ATP13A4: variants seen among roughly 807,000 people sequenced by gnomAD.
ATP13A4 encodes probable cation-transporting ATPase 13A4.
A neutral mutation model predicts 142.5 loss-of-function variants in ATP13A4; 114 were observed. The observed-to-expected ratio is 0.80, with a 90% CI of 0.69 to 0.93. The LOEUF (loss-of-function observed/expected upper bound fraction) is 0.93. ATP13A4 is among the 40% of genes least tolerant of loss of function. The probability of loss-of-function intolerance (pLI) is 0.00; values close to 1 mark genes in which losing one functional copy is unlikely to be tolerated. For synonymous variants in ATP13A4, 488 were observed against 514.8 expected, an observed-to-expected ratio of 0.95 and a Z score of 0.70; for missense variants, 1,392 against 1,454.0, an observed-to-expected ratio of 0.96 and a Z score of 0.69.
At chr3:193,430,676 T>C (rs77097476) in intron 25 of ATP13A4, among the ~76,000 whole-genome samples, 7,801 of 151,906 alleles carry the variant, frequency 0.051, 273 homozygotes, top group Non-Finnish European at 0.081. Flanking sequence ...GGTACTTGAG[T>C]TGACCACAGC....
intron 3 of ATP13A4, 140 bp downstream of exon 3, chr3:193,502,353 T>A: frequency 9.8e-7 from 1 of 1,025,092 alleles, no homozygotes; most frequent in Non-Finnish European, 1.5e-6. Flanking sequence ...AGATTTGGAC[T>A]GTCTGGCTCC....
intron 6 of ATP13A4, among the ~76,000 whole-genome samples, 198 bp from the exon 7 acceptor site, chr3:193,490,062 T>C (rs1719862489): frequency 6.6e-6 from 1 of 152,202 alleles, no homozygotes; most frequent in African/African-American, 2.4e-5. Context: ...ATTCCCACAG[T>C]TACCTTATTA....
At chr3:193,415,887 C>T (rs1187672816) in intron 25 of ATP13A4, among the ~76,000 whole-genome samples, 2 of 152,106 alleles carry the variant, frequency 1.3e-5, no homozygotes, top group Non-Finnish European at 2.9e-5. Flanking sequence ...TGTAAATGCC[C>T]AGGGCAAAAG....
intron 1 of ATP13A4, among the ~76,000 whole-genome samples, chr3:193,526,777 C>G (rs974665237): frequency 6.6e-6 from 1 of 152,006 alleles, no homozygotes; most frequent in Non-Finnish European, 1.5e-5. Context: ...GAGATTATCT[C>G]TGGGTGGGGA....
At chr3:193,444,901 T>A (rs940353674) in intron 18 of ATP13A4, among the ~76,000 whole-genome samples, 3 of 152,136 alleles carry the variant, frequency 2.0e-5, no homozygotes, top group Admixed American at 1.3e-4. Context: ...CTCATAGGCT[T>A]CCTCCATGCT....
intron 25 of ATP13A4, among the ~76,000 whole-genome samples, chr3:193,422,852 G>A (rs1695153101): frequency 6.7e-6 from 1 of 149,270 alleles, no homozygotes; most frequent in South Asian, 2.1e-4. Flanking sequence ...CCCAATATTA[G>A]TAGAAAGAAA....
At chr3:193,533,931 T>C (rs996064986) in intron 1 of ATP13A4, among the ~76,000 whole-genome samples, 2 of 152,158 alleles carry the variant, frequency 1.3e-5, no homozygotes, top group African/African-American at 2.4e-5. Flanking sequence ...TTAACAAGGC[T>C]CCTCTCCATC....
intron 1 of ATP13A4, among the ~76,000 whole-genome samples, chr3:193,527,993 C>T (rs1052309702): frequency 2.6e-5 from 4 of 152,192 alleles, no homozygotes; most frequent in South Asian, 4.1e-4. Flanking sequence ...TACAGATGCA[C>T]GTCTAAGGTC....
exon 1 of ATP13A4, chr3:193,593,053 G>A (rs777161300): frequency 6.2e-5 from 22 of 354,698 alleles, no homozygotes; most frequent in Non-Finnish European, 1.1e-4. Flanking sequence ...CAAATCGGAA[G>A]CAAGAGGGCG....
At chr3:193,471,093 C>A in intron 8 of ATP13A4, 100 bp from the exon 9 acceptor site, 1 of 1,508,434 alleles carries the variant, frequency 6.6e-7, no homozygotes, top group Non-Finnish European at 9.2e-7. Context: ...GCAACCAAGA[C>A]ATTTTTTTTT....
intron 18 of ATP13A4, among the ~76,000 whole-genome samples, chr3:193,443,523 T>C (rs1434145886): frequency 6.6e-6 from 1 of 152,090 alleles, no homozygotes; most frequent in Non-Finnish European, 1.5e-5. Context: ...ACAAGAAAAC[T>C]CTCAACATTC....
At position 193,435,694 on chromosome 3, in the gene ATP13A4, G is replaced by T. The variant is rs1378021606; in HGVS notation, c.2723C>A (p.Ala908Asp). The part of the protein sequence containing the change: ...VTSFCMFKYM[A>D]LYSMIQYVGV... ...AACATACTGAATCATGCTGTACAGA[G>T]CCATGTACTTAAACATGCAAAAGGA... The change falls in exon 24 of 30, where the codon GCT becomes GAT. Residue 908 changes from alanine (A) to aspartate (D), a missense_variant. Transcript: ENST00000342695. The T allele has an allele frequency of 6.2e-7, 1 of 1,613,950 alleles. No individual in the cohort carries two copies. Among genetic ancestry groups the T allele is most frequent in the South Asian group, 1.1e-5 (1 of 91,078 alleles).
chr3:193,462,432 AC>A (rs1718006464), intron 13 of ATP13A4, among the ~76,000 whole-genome samples: 1 of 152,112 alleles, frequency 6.6e-6, no homozygotes, highest in East Asian at 1.9e-4. Flanking sequence ...TCCTTAAAGG[AC>A]AGTGTCCTGG....
intron 13 of ATP13A4, 33 bp from the exon 14 acceptor site, chr3:193,459,264 A>G: frequency 1.2e-6 from 2 of 1,613,614 alleles, no homozygotes; most frequent in Non-Finnish European, 1.7e-6. Flanking sequence ...TTTCCATTCC[A>G]TCGCCTCATG....
chr3:193,554,752 T>C lies in ATP13A4; in HGVS notation c.48A>G (p.Glu16=), dbSNP rs1249470437. 1 of 1,613,560 alleles carries C rather than the reference T, an allele frequency of 6.2e-7. No individual in the cohort carries two copies. The highest frequency in any genetic ancestry group is 2.2e-5 in the East Asian group (1 of 44,860). ...KGQHALLNEG[E]ENEMEIFGYR... The stretch of plus-strand genomic sequence containing the variant: ...GCTAGAATCTTACCATCTCATTCTC[T>C]TCTCCTTCATTGAGCAGAGCGTGCT... Residue 16 remains glutamate, a synonymous_variant, in exon 1 of 30, where the codon GAA becomes GAG. Transcript: ENST00000342695.
At chr3:193,460,490 A>G (rs1717886324) in intron 13 of ATP13A4, among the ~76,000 whole-genome samples, 1 of 152,178 alleles carries the variant, frequency 6.6e-6, no homozygotes, top group African/African-American at 2.4e-5. Flanking sequence ...AGAGTTCAAA[A>G]ATGTCCTGGC....
At chr3:193,453,596 A>C (rs1560197663) in intron 17 of ATP13A4, among the ~76,000 whole-genome samples, 2 of 152,246 alleles carry the variant, frequency 1.3e-5, no homozygotes, top group East Asian at 3.9e-4. Flanking sequence ...GGCACCTCAG[A>C]AGTTTTCCTT....
At chr3:193,478,198 G>C (rs1455146281) in intron 8 of ATP13A4, among the ~76,000 whole-genome samples, 1 of 151,432 alleles carries the variant, frequency 6.6e-6, no homozygotes, top group African/African-American at 2.4e-5. Flanking sequence ...ACAATCTCAG[G>C]TTACACCTCA....
intron 17 of ATP13A4, among the ~76,000 whole-genome samples, chr3:193,452,150 A>G (rs1717317219): frequency 6.6e-6 from 1 of 152,202 alleles, no homozygotes; most frequent in Non-Finnish European, 1.5e-5. Flanking sequence ...ATATCATATT[A>G]TGACAATGAG....
Sources: gnomAD v4.1 joint callset for allele counts (sites outside exome capture counted in the v4.1 genomes callset) on GRCh38, gnomAD v4.1.1 for gene constraint, MANE v1.5 for transcripts, NCBI Gene and HGNC (gene_info 2026-07-23, HGNC 2026-07-21) for gene names.